POU2AF1: variants seen among roughly 807,000 people sequenced by gnomAD.
The protein encoded by POU2AF1 is POU class 2 homeobox associating factor 1, also known as POU domain class 2-associating factor 1.
POU2AF1 carries 12 observed loss-of-function variants against 26.3 expected under a neutral mutation model. The ratio of observed to expected loss-of-function variants is 0.46; its 90% confidence interval spans 0.29 to 0.74. The LOEUF is 0.74. Ranked by LOEUF, POU2AF1 falls within the 30% of genes least tolerant of loss-of-function variation. The pLI, the probability that POU2AF1 is intolerant of heterozygous loss-of-function variation, is 0.09. For missense variants in POU2AF1, 297 were observed against 334.5 expected, an observed-to-expected ratio of 0.89 and a Z score of 0.87; for synonymous variants, 175 against 148.0, an observed-to-expected ratio of 1.18 and a Z score of -1.32.
rs915967220 is a variant in POU2AF1 at position 111,358,677 on chromosome 11, TACAC to T, written c.147+107_147+110del. On this transcript the variant is annotated intron_variant, in intron 2 of 4. Transcript: ENST00000393067. ...ACACACTCTATCACACACAAACACA[TACAC>T]ACACGCATACACATACTCACACACA... 334 of 1,269,086 alleles carry T rather than the reference TACAC, an allele frequency of 2.6e-4. 3 individuals are homozygous for T. In the East Asian group the frequency reaches 6.4e-3, roughly 24 times the overall value. The allele number at this position is 1,269,086 out of a possible 1,614,324, so 78.6% of individuals were successfully genotyped here.
Position 111,353,935 on chromosome 11 carries a change from A to G in POU2AF1, c.*326T>C, listed in dbSNP as rs1402252255. 6.9e-6 allele frequency: 2 copies of G among 291,506 alleles called. No homozygotes were observed. The highest frequency in any genetic ancestry group is 4.7e-5 in the African/African-American group (2 of 42,610). The allele number at this position is 291,506 out of a possible 1,614,324, so 18.1% of individuals were successfully genotyped here. A position where few individuals can be genotyped will look rare whatever the true frequency, so the allele number is the denominator to read the frequency against. ...AAAGAAGGAAAGGGAGAAGGGAAGGAGGGAAGGAAGGGAGGGAGGAAAAGG... is the reference window on the plus strand; with the variant it reads ...AAAGAAGGAAAGGGAGAAGGGAAGGGGGGAAGGAAGGGAGGGAGGAAAAGG... On this transcript the variant is annotated 3_prime_UTR_variant, in exon 5 of 5. Transcript: ENST00000393067.
intron 1 of POU2AF1, among the ~76,000 whole-genome samples, chr11:111,376,009 G>A (rs906524988): frequency 6.6e-6 from 1 of 152,160 alleles, no homozygotes; most frequent in African/African-American, 2.4e-5. Flanking sequence ...TATCACCCAA[G>A]AATATTTAGA....
chr11:111,363,820 G>A, intron 1 of POU2AF1: 1 of 985,164 alleles, frequency 1.0e-6, no homozygotes, highest in Non-Finnish European at 1.2e-6. Context: ...CTCAAAGCCT[G>A]AAGCTTTCTC....
chr11:111,379,014 C>G (rs11213862), intron 1 of POU2AF1, 148 bp downstream of exon 1: 197,129 of 367,554 alleles, frequency 0.54, 58,947 homozygotes, highest in Admixed American at 0.69. Flanking sequence ...CCACCTCCCC[C>G]CTCCCTGCTC....
chr11:111,376,740 C>T (rs1861316517), intron 1 of POU2AF1, among the ~76,000 whole-genome samples: 1 of 152,154 alleles, frequency 6.6e-6, no homozygotes, highest in Non-Finnish European at 1.5e-5. Flanking sequence ...CTCTTGGTGT[C>T]TGATTTCAAA....
intron 1 of POU2AF1, among the ~76,000 whole-genome samples, chr11:111,367,589 C>T (rs548470609): frequency 3.4e-5 from 5 of 147,920 alleles, no homozygotes; most frequent in African/African-American, 1.2e-4. Context: ...CCGAGCAAGT[C>T]CCATTTTTTT....
intron 4 of POU2AF1, among the ~76,000 whole-genome samples, chr11:111,354,845 A>G (rs1350050343): frequency 6.6e-6 from 1 of 152,204 alleles, no homozygotes; most frequent in East Asian, 1.9e-4. Flanking sequence ...CATCTACGAA[A>G]TAGAATACAA....
At chr11:111,373,758 C>CCT (rs1861256359) in intron 1 of POU2AF1, among the ~76,000 whole-genome samples, 1 of 152,302 alleles carries the variant, frequency 6.6e-6, no homozygotes, top group Admixed American at 6.5e-5. Context: ...CCTACAAGTG[C>CCT]TTGTCCCCAG....
At chr11:111,370,038 T>C (rs1861178656) in intron 1 of POU2AF1, among the ~76,000 whole-genome samples, 1 of 152,226 alleles carries the variant, frequency 6.6e-6, no homozygotes, top group Non-Finnish European at 1.5e-5. Context: ...GAGAATGGAC[T>C]CTTCAGATCC....
rs1565356535 is a variant in POU2AF1, at chr11:111,352,528, T to C, written c.*1733A>G. The C allele has an allele frequency of 5.5e-6, 1 of 182,432 alleles. No individual in the cohort carries two copies. The allele number at this position is 182,432 out of a possible 1,614,324, so 11.3% of individuals were successfully genotyped here. Reference sequence around the variant, plus strand: ...CAAAACAAATTAAAATTAAACCTAATGGTACTTCTGGCTGAGGCTCCAGAG... The same window carrying C: ...CAAAACAAATTAAAATTAAACCTAACGGTACTTCTGGCTGAGGCTCCAGAG... On this transcript the variant is annotated 3_prime_UTR_variant, in exon 5 of 5. Transcript: ENST00000393067.
At chr11:111,373,812 A>G (rs545960435) in intron 1 of POU2AF1, among the ~76,000 whole-genome samples, 1 of 152,334 alleles carries the variant, frequency 6.6e-6, no homozygotes, top group South Asian at 2.1e-4. Flanking sequence ...AGGCCTCCCC[A>G]TCCCAGGTAG....
chr11:111,353,058 G>C lies in POU2AF1; in HGVS notation c.*1203C>G, dbSNP rs533434754. The C allele has an allele frequency of 1.6e-3, 337 of 209,902 alleles. 2 individuals carry two copies. The highest frequency in any genetic ancestry group is 7.4e-3 in the African/African-American group (313 of 42,290). The allele number at this position is 209,902 out of a possible 1,614,324, so 13.0% of individuals were successfully genotyped here. Reference sequence around the variant, plus strand: ...GGAAGGAAGGAAGGAAGGAAGGAAAGAAACAAAACCCACATGGTAGCACTA... The same window carrying C: ...GGAAGGAAGGAAGGAAGGAAGGAAACAAACAAAACCCACATGGTAGCACTA... On this transcript the variant is annotated 3_prime_UTR_variant, in exon 5 of 5. Coordinates refer to ENST00000393067, the MANE Select transcript of POU2AF1 (RefSeq NM_006235.3).
At chr11:111,366,066 AT>A (rs1305268460) in intron 1 of POU2AF1, among the ~76,000 whole-genome samples, 2 of 152,044 alleles carry the variant, frequency 1.3e-5, no homozygotes, top group Admixed American at 6.6e-5. Context: ...ACAATGGCTG[AT>A]TTTTTTTCCA....
In POU2AF1 at chr11:111,357,729, T is replaced by C. The variant is rs75185309; in HGVS notation, c.191-19A>G. ...GAAGGACCTGTGGGAAGAAGGAAAT[T>C]ACAGAACTTCAGATGCCACCCAGAT... On this transcript the variant is annotated intron_variant, in intron 3 of 4. Transcript: ENST00000393067. 2,342 of 1,611,816 alleles carry C rather than the reference T, an allele frequency of 1.5e-3. 14 individuals carry two copies. The African/African-American group carries it at 0.021, about 14-fold the overall frequency.
intron 1 of POU2AF1, among the ~76,000 whole-genome samples, chr11:111,368,938 C>T (rs1031584517): frequency 1.3e-5 from 2 of 152,218 alleles, no homozygotes; most frequent in African/African-American, 2.4e-5. Context: ...CATCTGTCAT[C>T]GGAGAAGTAG....
chr11:111,355,672 A>G (rs76779860), intron 4 of POU2AF1, among the ~76,000 whole-genome samples: 3,549 of 152,262 alleles, frequency 0.023, 157 homozygotes, highest in African/African-American at 0.081. Flanking sequence ...ATCAGATCTC[A>G]GGGGGACTCC....
chr11:111,353,892 C>CGAGG lies in POU2AF1; in HGVS notation c.*365_*368dup, dbSNP rs1264527935. ...AAAGAAGTAAGAAAGAGAGAAGAAG[C>CGAGG]GAGGGAGGGAGGGAGGTAAAGAAGG... On this transcript the variant is annotated 3_prime_UTR_variant, in exon 5 of 5. Coordinates refer to ENST00000393067, the MANE Select transcript of POU2AF1 (RefSeq NM_006235.3). 7.2e-6 allele frequency: 2 copies of CGAGG among 278,288 alleles called. No individual in the cohort carries two copies. The highest frequency in any genetic ancestry group is 1.3e-5 in the Non-Finnish European group (2 of 154,872). The allele number at this position is 278,288 out of a possible 1,614,324, so 17.2% of individuals were successfully genotyped here. A position where few individuals can be genotyped will look rare whatever the true frequency, so the allele number is the denominator to read the frequency against.
intron 1 of POU2AF1, among the ~76,000 whole-genome samples, chr11:111,376,851 A>G (rs538210406): frequency 7.2e-5 from 11 of 152,220 alleles, no homozygotes; most frequent in Non-Finnish European, 1.5e-4. Context: ...TCTATACCAC[A>G]TACTTGGGTT....
chr11:111,368,373 G>A (rs564306917), intron 1 of POU2AF1, among the ~76,000 whole-genome samples: 1 of 152,262 alleles, frequency 6.6e-6, no homozygotes, highest in South Asian at 2.1e-4. Context: ...ACTCTAAGTG[G>A]CAGGTCCTGA....
Sources: allele counts gnomAD v4.1 joint callset (sites outside exome capture counted in the v4.1 genomes callset), GRCh38; gene constraint gnomAD v4.1.1; transcripts MANE v1.5; gene names NCBI Gene and HGNC (gene_info 2026-07-23, HGNC 2026-07-21).